The following DNM3 variants were observed in gnomAD, a reference collection of about 807,000 sequenced individuals.
The protein encoded by DNM3 is dynamin-3.
Under a neutral mutation model 101.6 loss-of-function variants are expected in DNM3, and 47 were observed. The observed-to-expected ratio is 0.46, with a 90% confidence interval of 0.37 to 0.59. DNM3 has a LOEUF of 0.59. DNM3 is among the 20% of genes least tolerant of loss of function. DNM3 has a pLI of 0.00. For synonymous variants in DNM3, 385 were observed against 387.9 expected, an observed-to-expected ratio of 0.99 and a Z score of 0.09; for missense variants, 849 against 1,085.7, an observed-to-expected ratio of 0.78 and a Z score of 3.06.
intron 13 of DNM3, among the ~76,000 whole-genome samples, chr1:172,121,509 C>G (rs899906858): frequency 6.6e-6 from 1 of 152,178 alleles, no homozygotes; most frequent in Non-Finnish European, 1.5e-5. Flanking sequence ...GTTTTGGAAG[C>G]GAAGCTCAGT....
intron 4 of DNM3, among the ~76,000 whole-genome samples, chr1:172,024,324 C>A (rs1012423994): frequency 6.6e-6 from 1 of 152,112 alleles, no homozygotes; most frequent in Non-Finnish European, 1.5e-5. Context: ...ATTTTGGTAT[C>A]CATATCTGAC....
intron 12 of DNM3, among the ~76,000 whole-genome samples, chr1:172,088,195 C>T (rs1558549376): frequency 6.6e-6 from 1 of 152,126 alleles, no homozygotes; most frequent in Non-Finnish European, 1.5e-5. Context: ...TTGTTGGAAA[C>T]CCAACTTACA....
intron 17 of DNM3, among the ~76,000 whole-genome samples, chr1:172,346,122 CAAAA>C (rs554868535): frequency 5.4e-5 from 5 of 92,158 alleles, no homozygotes; most frequent in South Asian, 3.9e-4. Flanking sequence ...GACTCCGTCT[CAAAA>C]AAAAAAAAAA....
chr1:172,132,987 T>C, intron 14 of DNM3: 4 of 1,532,486 alleles, frequency 2.6e-6, no homozygotes, highest in South Asian at 1.2e-5. Context: ...CTCCAGAGCC[T>C]ATGCTTTCAA....
rs575733774 is a variant in DNM3, at chr1:172,304,206, C to CAAAAAAAAAAAAAAAAAAA, written c.1770-4506_1770-4505insAAAAAAAAAAAAAAAAAAA. 6.6e-4 allele frequency among the ~76,000 whole-genome samples: 24 copies of CAAAAAAAAAAAAAAAAAAA among 36,364 alleles called. 1 individual carries two copies. The highest frequency in any genetic ancestry group is 1.7e-3 in the African/African-American group (8 of 4,830). The allele number at this position is 36,364 out of a possible 152,430, so 23.9% of individuals were successfully genotyped here. ...GAATATCTACCATGCAAAAGGAAAG[C>CAAAAAAAAAAAAAAAAAAA]AAAAAAAAAAAAAAAACAGGAGTTG... On this transcript the variant is annotated intron_variant, in intron 15 of 20. Transcript: ENST00000627582.
At chr1:172,067,911 T>C (rs1244456066) in intron 10 of DNM3, among the ~76,000 whole-genome samples, 1 of 152,172 alleles carries the variant, frequency 6.6e-6, no homozygotes, top group African/African-American at 2.4e-5. Context: ...CGAAGAGTAA[T>C]GGACAAGACC....
Position 172,403,919 on chromosome 1 carries a change from A to G in DNM3, c.2523-3853A>G, listed in dbSNP as rs528196154. Among the ~76,000 whole-genome samples the G allele has an allele frequency of 2.3e-3, 353 of 152,306 alleles. 1 individual carries two copies. The highest frequency in any genetic ancestry group is 4.5e-3 in the Non-Finnish European group (307 of 68,010). ...GCCTTTGGAAACTCTTTGAATGGTT[A>G]GGAACTGGACCAATGAAATGAACTT... On this transcript the variant is annotated intron_variant, in intron 20 of 20. Transcript: ENST00000627582.
chr1:171,997,048 C>A (rs1398444465), intron 4 of DNM3, among the ~76,000 whole-genome samples: 2 of 151,618 alleles, frequency 1.3e-5, no homozygotes, highest in East Asian at 3.9e-4. Flanking sequence ...AAAAAGATAA[C>A]ACTTAGTCGA....
At chr1:172,247,245 C>A (rs893497231) in intron 14 of DNM3, among the ~76,000 whole-genome samples, 3 of 151,884 alleles carry the variant, frequency 2.0e-5, no homozygotes, top group Non-Finnish European at 4.4e-5. Context: ...AGTAGTGTAG[C>A]ACTGAGAGAG....
intron 17 of DNM3, among the ~76,000 whole-genome samples, chr1:172,353,115 G>A (rs1319321566): frequency 6.6e-6 from 1 of 152,002 alleles, no homozygotes; most frequent in Admixed American, 6.6e-5. Flanking sequence ...CAGGCCACAG[G>A]TGCACCATCC....
At chr1:172,059,216 C>G (rs2050931981) in intron 10 of DNM3, among the ~76,000 whole-genome samples, 2 of 145,044 alleles carry the variant, frequency 1.4e-5, no homozygotes, top group Non-Finnish European at 3.0e-5. Flanking sequence ...GCTTACCAAC[C>G]AAAAAGAGTC....
chr1:172,181,375 TACACACACAC>T (rs55756017), intron 14 of DNM3, among the ~76,000 whole-genome samples: 2,804 of 147,684 alleles, frequency 0.019, 84 homozygotes, highest in African/African-American at 0.061. Flanking sequence ...CACTTGAGTT[TACACACACAC>T]ACACACACAC....
At chr1:172,043,898 T>C (rs2049579014) in intron 8 of DNM3, among the ~76,000 whole-genome samples, 1 of 152,182 alleles carries the variant, frequency 6.6e-6, no homozygotes. Context: ...CTATCCTGTG[T>C]TGTCTTTTTA....
At chr1:171,919,172 A>G (rs1444974071) in intron 1 of DNM3, among the ~76,000 whole-genome samples, 6 of 150,536 alleles carry the variant, frequency 4.0e-5, no homozygotes, top group Non-Finnish European at 7.4e-5. Flanking sequence ...TTTTATTATT[A>G]TACTTTAAAG....
At chr1:172,029,362 A>T (rs1275299882) in intron 4 of DNM3, among the ~76,000 whole-genome samples, 1 of 152,190 alleles carries the variant, frequency 6.6e-6, no homozygotes, top group Non-Finnish European at 1.5e-5. Context: ...ACATCCCTTC[A>T]TGCTAAAAAC....
At chr1:171,921,627 T>C in intron 1 of DNM3, 121 bp from the exon 2 acceptor site, 1 of 772,562 alleles carries the variant, frequency 1.3e-6, no homozygotes, top group South Asian at 1.7e-5. Flanking sequence ...CCTATCATTG[T>C]TTGGATAAGC....
At chr1:172,074,816 T>A (rs1397678414) in intron 11 of DNM3, among the ~76,000 whole-genome samples, 1 of 152,222 alleles carries the variant, frequency 6.6e-6, no homozygotes, top group Non-Finnish European at 1.5e-5. Flanking sequence ...TTTATAATCC[T>A]TTGGGTATGT....
intron 13 of DNM3, 139 bp from the exon 14 acceptor site, chr1:172,131,036 C>G: frequency 5.6e-6 from 4 of 709,484 alleles, no homozygotes; most frequent in Non-Finnish European, 9.6e-6. Context: ...TTGAATAACT[C>G]AATGGAAGTT....
chr1:172,369,237 C>A (rs2068191741), intron 17 of DNM3, among the ~76,000 whole-genome samples: 1 of 151,860 alleles, frequency 6.6e-6, no homozygotes, highest in Non-Finnish European at 1.5e-5. Context: ...AAGATACTAG[C>A]AAACTGAATA....
Sources: allele counts gnomAD v4.1 joint callset (sites outside exome capture counted in the v4.1 genomes callset), GRCh38; gene constraint gnomAD v4.1.1; transcripts MANE v1.5; gene names NCBI Gene and HGNC (gene_info 2026-07-23, HGNC 2026-07-21).